PTAFR: variants seen among roughly 807,000 people sequenced by gnomAD.
PTAFR encodes the protein platelet activating factor receptor.
A neutral mutation model predicts 14.7 loss-of-function variants in PTAFR; 8 were observed. That is an observed-to-expected ratio of 0.54 (90% CI 0.32 to 0.98). The LOEUF (loss-of-function observed/expected upper bound fraction) is 0.98, where lower values mean the gene tolerates loss of function less well. PTAFR is among the 50% of genes least tolerant of loss of function. PTAFR has a pLI of 0.04. For missense variants in PTAFR, 337 were observed against 451.2 expected, an observed-to-expected ratio of 0.75 and a Z score of 2.29; for synonymous variants, 156 against 176.5, an observed-to-expected ratio of 0.88 and a Z score of 0.92.
rs1408077505 is a variant in PTAFR, at chr1:28,151,028, G to T, written c.-7C>A. On this transcript the variant is annotated 5_prime_UTR_variant, in exon 2 of 2. Transcript: ENST00000373857. The stretch of plus-strand genomic sequence containing the variant: ...AGGAGTCATGTGGCTCCATTGCTGT[G>T]GGCTGGAATGATCAGCTGGTCCTGG... The T allele has an allele frequency of 1.3e-6, 2 of 1,561,712 alleles. No individual in the cohort carries two copies. Among genetic ancestry groups the T allele is most frequent in the Admixed American group, 3.7e-5 (2 of 53,354 alleles).
intron 1 of PTAFR, among the ~76,000 whole-genome samples, chr1:28,191,977 G>T (rs923230388): frequency 6.6e-6 from 1 of 152,042 alleles, no homozygotes; most frequent in African/African-American, 2.4e-5. Context: ...GACTGAGGCG[G>T]GAGGATCGTT....
intron 1 of PTAFR, among the ~76,000 whole-genome samples, chr1:28,187,037 C>T (rs558812283): frequency 1.3e-5 from 2 of 152,204 alleles, no homozygotes; most frequent in East Asian, 1.9e-4. Context: ...GTGATCTGCC[C>T]GCCTCGGCCT....
intron 1 of PTAFR, among the ~76,000 whole-genome samples, chr1:28,173,184 T>G (rs1323356005): frequency 7.5e-6 from 1 of 133,504 alleles, no homozygotes; most frequent in African/African-American, 2.9e-5. Flanking sequence ...GCTACTTGGG[T>G]GGCTAAAGCT....
At chr1:28,166,646 G>C (rs887565541) in intron 1 of PTAFR, among the ~76,000 whole-genome samples, 14 of 151,788 alleles carry the variant, frequency 9.2e-5, no homozygotes, top group African/African-American at 3.4e-4. Flanking sequence ...ACTCCAGCCT[G>C]GGAAACAGAG....
Position 28,150,085 on chromosome 1 carries a change from T to G in PTAFR, c.937A>C (p.Ser313Arg), listed in dbSNP as rs1287950274. The change falls in exon 2 of 2, where the codon AGT (serine) becomes CGT (arginine). Residue 313 changes from serine to arginine, a missense_variant. Ser to Arg is a moderately radical substitution (Grantham distance 110). Transcript: ENST00000373857. This position sits in a 1 kb window ranked among gnomAD's most constrained non-coding sequence, Gnocchi z 6.3. ...HLTEKFYSMR[S>R]SRKCSRATTD... is the part of the protein sequence containing the mutation. ...GTGGCCCGGGAGCATTTCCGGCTAC[T>G]GCGCATGCTGTAGAACTTTTCGGTG... 3.7e-6 allele frequency: 6 copies of G among 1,614,200 alleles called. No individual in the cohort carries two copies. The highest frequency in any genetic ancestry group is 1.1e-5 in the South Asian group (1 of 91,084).
upstream of PTAFR, among the ~76,000 whole-genome samples, chr1:28,178,247 CTTTTTTTA>C (rs750305359): frequency 2.6e-5 from 4 of 152,002 alleles, no homozygotes; most frequent in Non-Finnish European, 5.9e-5. Flanking sequence ...GGACAAAACA[CTTTTTTTA>C]TTTTTTTATT....
chr1:28,173,628 G>C (rs1029781820), intron 1 of PTAFR, among the ~76,000 whole-genome samples: 1 of 149,746 alleles, frequency 6.7e-6, no homozygotes, highest in Non-Finnish European at 1.5e-5. Context: ...TCCAGCCTGC[G>C]TGACAGAGCA....
At chr1:28,166,410 G>T (rs1056140991) in intron 1 of PTAFR, among the ~76,000 whole-genome samples, 2 of 152,126 alleles carry the variant, frequency 1.3e-5, no homozygotes, top group South Asian at 4.1e-4. Flanking sequence ...GGTGGTTCAC[G>T]CCTGTAATCC....
chr1:28,175,964 C>A (rs1646508732), intron 1 of PTAFR, among the ~76,000 whole-genome samples: 2 of 152,092 alleles, frequency 1.3e-5, no homozygotes, highest in Admixed American at 1.3e-4. Flanking sequence ...CCAGTAGGGT[C>A]TCTGGGGTCA....
intron 1 of PTAFR, among the ~76,000 whole-genome samples, chr1:28,172,682 A>G (rs972174956): frequency 5.3e-5 from 8 of 152,210 alleles, no homozygotes; most frequent in African/African-American, 1.9e-4. Flanking sequence ...GCCATGCACT[A>G]AGCCAGCTAC....
At chr1:28,175,452 C>A (rs1448709193) in intron 1 of PTAFR, among the ~76,000 whole-genome samples, 1 of 151,932 alleles carries the variant, frequency 6.6e-6, no homozygotes, top group Non-Finnish European at 1.5e-5. Flanking sequence ...CCTACCGCCT[C>A]CCCCAACACA....
At chr1:28,158,880 G>T (rs1646294942) in intron 1 of PTAFR, among the ~76,000 whole-genome samples, 1 of 152,188 alleles carries the variant, frequency 6.6e-6, no homozygotes, top group African/African-American at 2.4e-5. Flanking sequence ...GAGGTGATCA[G>T]ACCAGAGTCA....
chr1:28,185,148 T>G (rs1463427283), intron 1 of PTAFR, among the ~76,000 whole-genome samples: 1 of 152,194 alleles, frequency 6.6e-6, no homozygotes, highest in Non-Finnish European at 1.5e-5. Flanking sequence ...AACATGTATT[T>G]TATTTATTTA....
chr1:28,192,732 C>T (rs920918694), intron 1 of PTAFR, among the ~76,000 whole-genome samples: 4 of 151,552 alleles, frequency 2.6e-5, no homozygotes, highest in Admixed American at 6.6e-5. Flanking sequence ...CCGTAACCTC[C>T]GCTTCTCGGG....
rs1646141346 is a variant in PTAFR at position 28,148,501 on chromosome 1, GAC to G, written c.*1490_*1491del. The G allele has an allele frequency of 6.5e-6, 1 of 153,232 alleles. No homozygotes were observed. The highest frequency in any genetic ancestry group is 2.4e-5 in the African/African-American group (1 of 41,448). The allele number at this position is 153,232 out of a possible 1,614,324, so 9.5% of individuals were successfully genotyped here. A position where few individuals can be genotyped will look rare whatever the true frequency, so the allele number is the denominator to read the frequency against. ...CTTTTTTGTTTGTTTGTTTGTTTTTGACACAGAGTCTCACTCTGTCGCCCAGG... is the reference window on the plus strand; with the variant it reads ...CTTTTTTGTTTGTTTGTTTGTTTTTGACAGAGTCTCACTCTGTCGCCCAGG... On this transcript the variant is annotated 3_prime_UTR_variant, in exon 2 of 2. Transcript: ENST00000373857.
intron 1 of PTAFR, among the ~76,000 whole-genome samples, chr1:28,164,865 T>C (rs1367676105): frequency 6.6e-6 from 1 of 152,118 alleles, no homozygotes; most frequent in African/African-American, 2.4e-5. Flanking sequence ...TTTACCTTTG[T>C]TCCTCAAAGC....
intron 1 of PTAFR, among the ~76,000 whole-genome samples, chr1:28,188,685 G>A (rs568227682): frequency 5.3e-5 from 8 of 151,198 alleles, no homozygotes; most frequent in African/African-American, 1.5e-4. Flanking sequence ...CCGGGAGATC[G>A]CACCACTGCA....
chr1:28,180,535 T>C (rs545435276), upstream of PTAFR, among the ~76,000 whole-genome samples: 18 of 152,250 alleles, frequency 1.2e-4, no homozygotes, highest in African/African-American at 4.3e-4. Flanking sequence ...AAGGAACCAT[T>C]AATGTGGTCC....
At chr1:28,190,032 G>A (rs578170177) in intron 1 of PTAFR, among the ~76,000 whole-genome samples, 1 of 151,000 alleles carries the variant, frequency 6.6e-6, no homozygotes, top group Admixed American at 6.6e-5. Context: ...GAGTGCAGTG[G>A]TGCAATCTCG....
Sources: gnomAD v4.1 joint callset for allele counts (sites outside exome capture counted in the v4.1 genomes callset) on GRCh38, gnomAD v4.1.1 for gene constraint, Gnocchi (gnomAD v3.1) non-coding constraint, MANE v1.5 for transcripts, NCBI Gene and HGNC (gene_info 2026-07-23, HGNC 2026-07-21) for gene names.